The following GGT1 variants were observed in gnomAD, a reference collection of about 807,000 sequenced individuals.
GGT1 encodes the protein glutathione hydrolase 1 proenzyme.
Under a neutral mutation model 56.0 loss-of-function variants are expected in GGT1, and 21 were observed. The observed-to-expected ratio is 0.38, with a 90% confidence interval of 0.27 to 0.54. The LOEUF is 0.54. Among genes scored for constraint, GGT1 ranks in the 20% least tolerant of loss-of-function variants. The pLI, the probability that GGT1 is intolerant of heterozygous loss-of-function variation, is 0.82. For synonymous variants in GGT1, 238 were observed against 342.6 expected (o/e 0.69, Z 3.37); for missense variants, 466 against 787.0 (o/e 0.59, Z 4.88).
chr22:24,586,487 G>A, the GGT1 span: 21 of 1,460,976 alleles, frequency 1.4e-5, no homozygotes, highest in South Asian at 2.6e-5. Flanking sequence ...GTGACCTGTC[G>A]GGAACAGCCC....
intron 1 of GGT1, among the ~76,000 whole-genome samples, chr22:24,596,043 T>TTTGA (rs1346051806): frequency 6.6e-6 from 1 of 152,194 alleles, no homozygotes; most frequent in Non-Finnish European, 1.5e-5. Flanking sequence ...GTCCTCTGTG[T>TTTGA]TTGCTCTACA....
chr22:24,597,039 A>G (rs189940904), intron 1 of GGT1, among the ~76,000 whole-genome samples: 5 of 148,562 alleles, frequency 3.4e-5, no homozygotes, highest in Non-Finnish European at 5.9e-5. Flanking sequence ...CTGGAGTGCA[A>G]TGGCATGATC....
chr22:24,613,066 A>G (rs2046821367), intron 5 of GGT1, among the ~76,000 whole-genome samples: 1 of 152,138 alleles, frequency 6.6e-6, no homozygotes, highest in South Asian at 2.1e-4. Context: ...AGACTTAAAC[A>G]GAAAAAATAT....
chr22:24,601,228 A>G (rs1194870446), upstream of GGT1, among the ~76,000 whole-genome samples: 1 of 152,194 alleles, frequency 6.6e-6, no homozygotes, highest in Non-Finnish European at 1.5e-5. Flanking sequence ...TTGTTCGATC[A>G]TTGTGAGCCT....
upstream of GGT1, among the ~76,000 whole-genome samples, chr22:24,602,640 A>T (rs1057050492): frequency 3.3e-5 from 5 of 152,076 alleles, no homozygotes; most frequent in African/African-American, 1.2e-4. Context: ...CAGACCCCTG[A>T]AATTGGGGGT....
intron 11 of GGT1, among the ~76,000 whole-genome samples, chr22:24,625,774 C>A (rs545501417): frequency 6.6e-6 from 1 of 151,288 alleles, no homozygotes; most frequent in South Asian, 2.1e-4. Context: ...CGTGATCCGC[C>A]TGCCTCGGCC....
chr22:24,624,767 T>C, intron 11 of GGT1: 1 of 743,928 alleles, frequency 1.3e-6, no homozygotes, highest in Non-Finnish European at 1.6e-6. Flanking sequence ...GCAGCTGTTG[T>C]TGCTCTAGAA....
chr22:24,587,994 G>A, the GGT1 span, among the ~76,000 whole-genome samples: 1 of 152,188 alleles, frequency 6.6e-6, no homozygotes, highest in East Asian at 1.9e-4. Flanking sequence ...ACCGTCCTGT[G>A]GGAAATGCCA....
At chr22:24,612,443 C>T (rs1477501590) in intron 5 of GGT1, among the ~76,000 whole-genome samples, 3 of 149,524 alleles carry the variant, frequency 2.0e-5, no homozygotes, top group Non-Finnish European at 1.5e-5. Context: ...GTATATCTCC[C>T]AATGCCATCC....
At chr22:24,619,243 C>A (rs2047255219) in intron 7 of GGT1, among the ~76,000 whole-genome samples, 1 of 152,018 alleles carries the variant, frequency 6.6e-6, no homozygotes, top group Non-Finnish European at 1.5e-5. Context: ...ACTAAAAATA[C>A]AAAAATTAGC....
In GGT1 at chr22:24,625,764, C is replaced by T. The variant is rs578063656; in HGVS notation, c.1021-1668C>T. ...CACCGTGATCGCGATCTCCTGACCT[C>T]GTGATCCGCCTGCCTCGGCCTCCCA... On this transcript the variant is annotated intron_variant, in intron 11 of 15. Transcript: ENST00000400382. 1.4e-3 allele frequency among the ~76,000 whole-genome samples: 213 copies of T among 151,068 alleles called. 1 individual carries two copies. Among genetic ancestry groups the T allele is most frequent in the Middle Eastern group, 6.8e-3 (2 of 292 alleles).
At chr22:24,588,927 G>A in the GGT1 span, 2 of 1,003,034 alleles carry the variant, frequency 2.0e-6, no homozygotes, top group African/African-American at 1.7e-5. Context: ...GGAATCCGAG[G>A]TGCGCGGCCC....
At chr22:24,586,232 A>C in the GGT1 span, 1 of 1,613,714 alleles carries the variant, frequency 6.2e-7, no homozygotes, top group Non-Finnish European at 8.5e-7. Flanking sequence ...CAGGCTGGGC[A>C]GCAGGAGGTG....
At chr22:24,588,813 T>C in the GGT1 span, 6 of 1,013,282 alleles carry the variant, frequency 5.9e-6, no homozygotes, top group Non-Finnish European at 7.1e-6. Flanking sequence ...GCCTGCGGGG[T>C]CTGGGTCTGG....
chr22:24,606,994 C>T (rs143127874), intron 1 of GGT1, among the ~76,000 whole-genome samples: 995 of 133,984 alleles, frequency 7.4e-3, no homozygotes, highest in African/African-American at 8.8e-3. Flanking sequence ...TGTCCAAAGT[C>T]CCCTGGGCTG....
At chr22:24,605,822 T>TTATATGATGTGTATTATATATTATATAA (rs1569049409) in intron 1 of GGT1, among the ~76,000 whole-genome samples, 16 of 66,752 alleles carry the variant, frequency 2.4e-4, no homozygotes, top group East Asian at 3.9e-4. Context: ...ATATTATATA[T>TTATATGATGTGTATTATATATTATATAA]TATATGATGT....
intron 1 of GGT1, among the ~76,000 whole-genome samples, chr22:24,605,180 A>ATATATTATATAATATATAATATGTAT (rs2046007984): frequency 1.6e-5 from 1 of 63,922 alleles, no homozygotes; most frequent in Non-Finnish European, 2.3e-5. Context: ...ATAATATGTA[A>ATATATTATATAATATATAATATGTAT]TATATTATAT....
At position 24,626,135 on chromosome 22, in the gene GGT1, T is replaced by G. The variant is rs56925185; in HGVS notation, c.1021-1297T>G. 5.4e-3 allele frequency among the ~76,000 whole-genome samples: 787 copies of G among 146,492 alleles called. 5 individuals carry two copies. Among genetic ancestry groups the G allele is most frequent in the South Asian group, 9.9e-3 (46 of 4,626 alleles). On this transcript the variant is annotated intron_variant, in intron 11 of 15. Transcript: ENST00000400382. ...AGCCCCCCAAGTAGCTGGGACTACA[T>G]GTGCCCACCACCGCGCCCAGCTAAT... is the stretch of plus-strand genomic sequence containing the variant.
chr22:24,610,893 T>C (rs2046610206), intron 4 of GGT1, among the ~76,000 whole-genome samples, 182 bp from the exon 5 acceptor site: 1 of 151,536 alleles, frequency 6.6e-6, no homozygotes, highest in Non-Finnish European at 1.5e-5. Flanking sequence ...CCAGAGCTTC[T>C]GGCAGAGGGC....
Sources: gnomAD v4.1 joint callset for allele counts (sites outside exome capture counted in the v4.1 genomes callset) on GRCh38, gnomAD v4.1.1 for gene constraint, MANE v1.5 for transcripts, NCBI Gene and HGNC (gene_info 2026-07-23, HGNC 2026-07-21) for gene names.